TBC1D31: variants seen among roughly 807,000 people sequenced by gnomAD.
The protein encoded by TBC1D31 is TBC1 domain family member 31, also known as WD repeat domain 67.
TBC1D31 carries 99 observed loss-of-function variants against 132.9 expected under a neutral mutation model. The observed-to-expected ratio is 0.74, with a 90% confidence interval of 0.63 to 0.88. The LOEUF is 0.88. Ranked by LOEUF, TBC1D31 falls within the 40% of genes least tolerant of loss-of-function variation. The probability of loss-of-function intolerance (pLI) is 0.00; values close to 1 mark genes in which losing one functional copy is unlikely to be tolerated. For synonymous variants in TBC1D31, 385 were observed against 419.4 expected (o/e 0.92, Z 1.00); for missense variants, 1,134 against 1,256.6 (o/e 0.90, Z 1.48).
At chr8:123,154,227 G>C (rs1234316038), downstream of TBC1D31, among the ~76,000 whole-genome samples, 1 of 152,218 alleles carries the variant, frequency 6.6e-6, no homozygotes, top group Non-Finnish European at 1.5e-5. Context: ...GGTCCAGTCA[G>C]GAAGCAAACT....
chr8:123,114,814 T>C (rs1818765540), intron 10 of TBC1D31, among the ~76,000 whole-genome samples: 1 of 152,218 alleles, frequency 6.6e-6, no homozygotes, highest in African/African-American at 2.4e-5. Context: ...TGTATGTATA[T>C]AATGCAAAAG....
intron 17 of TBC1D31, among the ~76,000 whole-genome samples, chr8:123,138,182 G>A (rs1169051591): frequency 2.0e-5 from 3 of 151,702 alleles, no homozygotes; most frequent in Non-Finnish European, 2.9e-5. Flanking sequence ...TGTCTTCTTC[G>A]CTTAATAAAA....
intron 4 of TBC1D31, among the ~76,000 whole-genome samples, chr8:123,089,021 A>G (rs566338303): frequency 5.3e-5 from 8 of 152,328 alleles, no homozygotes; most frequent in African/African-American, 1.7e-4. Context: ...AAAAAATAGT[A>G]AACAATACAG....
At position 123,128,528 on chromosome 8, in the gene TBC1D31, GTTTTTC is replaced by G. The variant is rs1563736900; in HGVS notation, c.2117+23_2117+28del. 7.2e-6 allele frequency: 11 copies of G among 1,526,360 alleles called. No homozygotes were observed. In the Admixed American group the frequency reaches 1.0e-4, roughly 14 times the overall value. 94.6% of individuals were successfully genotyped at this position (1,526,360 alleles called of 1,614,324 possible). A position where few individuals can be genotyped will look rare whatever the true frequency, so the allele number is the denominator to read the frequency against. ...TTAAGAGAGAGGTAATTATGGAATA[GTTTTTC>G]TTTTTCTGATACAATGAAATATGTT... is the stretch of plus-strand genomic sequence containing the variant. On this transcript the variant is annotated intron_variant, in intron 14 of 21. Transcript: ENST00000287380.
Position 123,134,150 on chromosome 8 carries a change from A to G in TBC1D31, c.2443A>G (p.Arg815Gly), listed in dbSNP as rs901068116. 1.2e-6 allele frequency: 2 copies of G among 1,613,992 alleles called. No homozygotes were observed. The highest frequency in any genetic ancestry group is 2.7e-5 in the African/African-American group (2 of 74,940). The change falls in exon 17 of 22, where the codon AGA (arginine) becomes GGA (glycine). Residue 815 changes from arginine to glycine, a missense_variant. Coordinates refer to ENST00000287380, the MANE Select transcript of TBC1D31 (RefSeq NM_145647.4). ...AGATCGAGAAATTGCTGCCACAGCC[A>G]GAGACCTAGAAATGAGACAGCTGGA... ...MRDREIAATA[R>G]DLEMRQLELE... is the part of the protein sequence containing the mutation.
rs188836668 is a variant in TBC1D31 at position 123,076,554 on chromosome 8, T to G, written c.78-557T>G. 3.3e-3 allele frequency among the ~76,000 whole-genome samples: 499 copies of G among 152,308 alleles called. 6 individuals are homozygous for G. The highest frequency in any genetic ancestry group is 0.012 in the African/African-American group (482 of 41,564). On this transcript the variant is annotated intron_variant, in intron 1 of 21. Transcript: ENST00000287380. ...TCATTCAGCAGGCATATTTTGAGTG[T>G]CTTTTGTGTGTTGTAGGCCAGGTGC...
In TBC1D31 at chr8:123,097,451, A is replaced by G; in HGVS notation, c.831+10A>G. ...TGCTGGTTCTAATCAGGTTAGTAAC[A>G]TAAATGTAGGGCACTGTACTTTTTG... On this transcript the variant is annotated intron_variant, in intron 6 of 21. Transcript: ENST00000287380. 6.2e-7 allele frequency: 1 copy of G among 1,613,800 alleles called. No individual in the cohort carries two copies. The highest frequency in any genetic ancestry group is 8.5e-7 in the Non-Finnish European group (1 of 1,179,802).
intron 3 of TBC1D31, 66 bp from the exon 4 acceptor site, chr8:123,084,096 T>A (rs1815468556): frequency 2.2e-6 from 3 of 1,364,872 alleles, no homozygotes; most frequent in South Asian, 2.5e-5. Flanking sequence ...CTATGGTGTT[T>A]ATATGTAATG....
At chr8:123,120,226 G>T in intron 11 of TBC1D31, 38 bp downstream of exon 11, 3 of 1,510,344 alleles carry the variant, frequency 2.0e-6, no homozygotes, top group African/African-American at 1.4e-5. Flanking sequence ...ATCAAGAATG[G>T]ATTCTTATAC....
At chr8:123,149,411 C>T (rs1822565226) in intron 20 of TBC1D31, among the ~76,000 whole-genome samples, 1 of 152,146 alleles carries the variant, frequency 6.6e-6, no homozygotes, top group Admixed American at 6.5e-5. Context: ...TAGATGCTAG[C>T]GGTGGGAGTA....
chr8:123,096,002 T>C (rs1044724451), intron 5 of TBC1D31, among the ~76,000 whole-genome samples: 2 of 152,234 alleles, frequency 1.3e-5, no homozygotes, highest in African/African-American at 2.4e-5. Flanking sequence ...TTGTTTTTAT[T>C]CATTGCTGTG....
In TBC1D31 at chr8:123,120,156, T is replaced by A. The variant is rs764807129; in HGVS notation, c.1538T>A (p.Leu513His). ...GTAAAATTATTCCAGAACAACCAAC[T>A]CATCTGTTTTGAAGTTATTGCTACT... ...PFVKLFQNNQ[L>H]ICFEVIATLI... The change falls in exon 11 of 22, where the codon CTC becomes CAC. Residue 513 changes from leucine (L) to histidine (H), a missense_variant. Coordinates refer to ENST00000287380, the MANE Select transcript of TBC1D31 (RefSeq NM_145647.4). The A allele has an allele frequency of 6.2e-7, 1 of 1,609,632 alleles. No homozygotes were observed. The highest frequency in any genetic ancestry group is 8.5e-7 in the Non-Finnish European group (1 of 1,177,532).
At position 123,091,440 on chromosome 8, in the gene TBC1D31, T is replaced by C. The variant is rs1816313231; in HGVS notation, c.520-2151T>C. Among the ~76,000 whole-genome samples, 4 of 152,226 alleles carry C rather than the reference T, an allele frequency of 2.6e-5. No individual in the cohort carries two copies. The South Asian group carries it at 8.3e-4, about 31-fold the overall frequency. On this transcript the variant is annotated intron_variant, in intron 4 of 21. Transcript: ENST00000287380. The stretch of plus-strand genomic sequence containing the variant: ...GTTTTGAAACAGTGTTCTAATGCGT[T>C]CATTATAGATTATAGAAATCTGTAA...
At chr8:123,117,702 G>A (rs1203209139) in intron 10 of TBC1D31, among the ~76,000 whole-genome samples, 4 of 144,582 alleles carry the variant, frequency 2.8e-5, no homozygotes, top group Admixed American at 7.1e-5. Flanking sequence ...GCAGTGAGTC[G>A]AGATCGCGCC....
intron 10 of TBC1D31, among the ~76,000 whole-genome samples, chr8:123,114,175 A>G (rs1441971387): frequency 6.6e-6 from 1 of 152,224 alleles, no homozygotes; most frequent in Non-Finnish European, 1.5e-5. Flanking sequence ...GATATAGTCA[A>G]TGAAAGAAGT....
At chr8:123,086,977 A>T (rs1563677343) in intron 4 of TBC1D31, among the ~76,000 whole-genome samples, 2 of 152,194 alleles carry the variant, frequency 1.3e-5, no homozygotes, top group East Asian at 3.9e-4. Context: ...CTGGTCTCCC[A>T]AAGTGCTGGG....
intron 7 of TBC1D31, among the ~76,000 whole-genome samples, chr8:123,104,677 A>C (rs1425509972): frequency 6.6e-6 from 1 of 152,194 alleles, no homozygotes; most frequent in African/African-American, 2.4e-5. Flanking sequence ...GAAGTTGTTC[A>C]GGTTTTTTTC....
chr8:123,120,255 C>T, intron 11 of TBC1D31, 67 bp downstream of exon 11: 1 of 1,335,488 alleles, frequency 7.5e-7, no homozygotes, highest in Admixed American at 2.5e-5. Flanking sequence ...GATGTCTTTG[C>T]ACCTTTGCAA....
intron 17 of TBC1D31, among the ~76,000 whole-genome samples, chr8:123,136,719 G>A (rs1821130045): frequency 6.6e-6 from 1 of 152,144 alleles, no homozygotes; most frequent in Non-Finnish European, 1.5e-5. Flanking sequence ...CCAAAAGCTG[G>A]GATTACAGGT....
Sources: gnomAD v4.1 joint callset for allele counts (sites outside exome capture counted in the v4.1 genomes callset) on GRCh38, gnomAD v4.1.1 for gene constraint, MANE v1.5 for transcripts, NCBI Gene and HGNC (gene_info 2026-07-23, HGNC 2026-07-21) for gene names.